The following MKLN1 variants were observed in gnomAD, a reference collection of about 807,000 sequenced individuals.
MKLN1 encodes muskelin 1.
A neutral mutation model predicts 99.0 loss-of-function variants in MKLN1; 18 were observed. The ratio of observed to expected loss-of-function variants is 0.18; its 90% CI spans 0.13 to 0.27. MKLN1 has a LOEUF of 0.27. Ranked by LOEUF, MKLN1 falls within the 10% of genes least tolerant of loss-of-function variation. MKLN1 has a pLI of 1.00. For synonymous variants in MKLN1, 288 were observed against 293.2 expected (o/e 0.98, Z 0.18); for missense variants, 621 against 875.9 (o/e 0.71, Z 3.67).
At chr7:131,381,625 C>T (rs1324981322) in intron 2 of MKLN1, among the ~76,000 whole-genome samples, 2 of 152,020 alleles carry the variant, frequency 1.3e-5, no homozygotes, top group East Asian at 1.9e-4. Context: ...CTCATCACTA[C>T]CACCACCACC....
At chr7:131,480,988 T>C (rs192064453) in intron 17 of MKLN1, among the ~76,000 whole-genome samples, 8 of 152,374 alleles carry the variant, frequency 5.3e-5, no homozygotes, top group African/African-American at 1.9e-4. Context: ...TTCTTTTGAC[T>C]CTGACCTATT....
chr7:131,185,423 C>CAAAA (rs35268389), intron 2 of MKLN1, among the ~76,000 whole-genome samples: 1 of 143,502 alleles, frequency 7.0e-6, no homozygotes, highest in Non-Finnish European at 1.5e-5. Flanking sequence ...ACTAAAAATA[C>CAAAA]AAAAAAAAAA....
At chr7:131,428,590 T>C (rs1301603234) in intron 8 of MKLN1, among the ~76,000 whole-genome samples, 2 of 152,206 alleles carry the variant, frequency 1.3e-5, no homozygotes, top group East Asian at 3.8e-4. Context: ...GGGGGTTTTA[T>C]TTTTTAGAAT....
At chr7:131,480,376 T>G (rs1367445238) in intron 17 of MKLN1, among the ~76,000 whole-genome samples, 1 of 152,230 alleles carries the variant, frequency 6.6e-6, no homozygotes, top group East Asian at 1.9e-4. Context: ...CTCTTGAAAG[T>G]GAACTGTACC....
At chr7:131,354,123 A>T (rs1475691227) in intron 1 of MKLN1, among the ~76,000 whole-genome samples, 1 of 152,140 alleles carries the variant, frequency 6.6e-6, no homozygotes, top group East Asian at 1.9e-4. Context: ...CTTGTGTTTT[A>T]TGTGTAAATT....
At chr7:131,250,355 C>T (rs1053420779) in intron 3 of MKLN1, among the ~76,000 whole-genome samples, 5 of 152,150 alleles carry the variant, frequency 3.3e-5, no homozygotes, top group African/African-American at 1.2e-4. Context: ...GTTGGGGACT[C>T]CCCCGGTGTC....
chr7:131,286,218 G>A (rs1798130817), intron 3 of MKLN1, among the ~76,000 whole-genome samples: 1 of 152,176 alleles, frequency 6.6e-6, no homozygotes, highest in Non-Finnish European at 1.5e-5. Flanking sequence ...TCAAAGTGCT[G>A]GGATTACAGG....
intron 1 of MKLN1, among the ~76,000 whole-genome samples, chr7:131,328,454 G>A (rs1020359879): frequency 6.6e-6 from 1 of 152,206 alleles, no homozygotes; most frequent in Non-Finnish European, 1.5e-5. Context: ...AAGCCGAGGA[G>A]TGTCTATTCC....
At chr7:131,293,697 T>G (rs1297062655) in intron 3 of MKLN1, among the ~76,000 whole-genome samples, 1 of 152,106 alleles carries the variant, frequency 6.6e-6, no homozygotes, top group Non-Finnish European at 1.5e-5. Context: ...TACCAGCTAC[T>G]CCAGAGGCTG....
intron 2 of MKLN1, among the ~76,000 whole-genome samples, chr7:131,191,816 C>T (rs987531672): frequency 3.3e-5 from 5 of 149,664 alleles, no homozygotes; most frequent in Non-Finnish European, 5.9e-5. Context: ...CAGCTTCAAG[C>T]AATTCTCATG....
At chr7:131,175,048 ATGG>A (rs1277749570) in intron 2 of MKLN1, among the ~76,000 whole-genome samples, 2 of 151,222 alleles carry the variant, frequency 1.3e-5, no homozygotes, top group African/African-American at 4.9e-5. Flanking sequence ...GGATGGATGG[ATGG>A]ATGGATGGAT....
intron 2 of MKLN1, among the ~76,000 whole-genome samples, chr7:131,386,789 T>G (rs1794041048): frequency 1.3e-5 from 2 of 152,228 alleles, no homozygotes; most frequent in Admixed American, 6.5e-5. Flanking sequence ...ATTCTAATCT[T>G]GTTTTATTTG....
At chr7:131,272,497 A>G (rs6943595) in intron 3 of MKLN1, among the ~76,000 whole-genome samples, 64,456 of 152,070 alleles carry the variant, frequency 0.42, 14,707 homozygotes, top group African/African-American at 0.58. Context: ...GGCCAATCAA[A>G]AGAATTTTGG....
At chr7:131,350,793 A>G (rs1460953105) in intron 1 of MKLN1, among the ~76,000 whole-genome samples, 1 of 152,204 alleles carries the variant, frequency 6.6e-6, no homozygotes, top group African/African-American at 2.4e-5. Flanking sequence ...AGGCCAACCT[A>G]CACTCAATGA....
intron 6 of MKLN1, among the ~76,000 whole-genome samples, chr7:131,401,828 A>G (rs2116264564): frequency 6.6e-6 from 1 of 152,296 alleles, no homozygotes; most frequent in Non-Finnish European, 1.5e-5. Flanking sequence ...AAAAAAATGC[A>G]TATACCTTAA....
At chr7:131,131,897 C>A (rs1271311256) in intron 1 of MKLN1, among the ~76,000 whole-genome samples, 2 of 152,150 alleles carry the variant, frequency 1.3e-5, no homozygotes, top group Non-Finnish European at 2.9e-5. Context: ...GACCACTTCG[C>A]AGTGCAGGTA....
chr7:131,185,038 T>C (rs1185985000), intron 2 of MKLN1, among the ~76,000 whole-genome samples: 4 of 152,182 alleles, frequency 2.6e-5, no homozygotes, highest in East Asian at 1.9e-4. Flanking sequence ...CCCCTGAGCA[T>C]TGATGCATAC....
chr7:131,333,343 G>A (rs1431948755), intron 1 of MKLN1, among the ~76,000 whole-genome samples: 1 of 152,158 alleles, frequency 6.6e-6, no homozygotes, highest in African/African-American at 2.4e-5. Context: ...CCAAAGTGCT[G>A]CGATTGTAGG....
chr7:131,450,740 C>T (rs1796154559), intron 12 of MKLN1, among the ~76,000 whole-genome samples: 1 of 152,226 alleles, frequency 6.6e-6, no homozygotes, highest in African/African-American at 2.4e-5. Context: ...GCTTACCTCT[C>T]AGATCTTAGC....
Sources: allele counts gnomAD v4.1 joint callset (sites outside exome capture counted in the v4.1 genomes callset), GRCh38; gene constraint gnomAD v4.1.1; transcripts MANE v1.5; gene names NCBI Gene and HGNC (gene_info 2026-07-23, HGNC 2026-07-21).